The following ADAMTS12 variants were observed in gnomAD, a reference collection of about 807,000 sequenced individuals.
ADAMTS12 encodes A disintegrin and metalloproteinase with thrombospondin motifs 12.
Under a neutral mutation model 167.8 loss-of-function variants are expected in ADAMTS12, and 118 were observed. That is an observed-to-expected ratio of 0.70 (90% CI 0.61 to 0.82). The LOEUF (loss-of-function observed/expected upper bound fraction) is 0.82, where lower values mean the gene tolerates loss of function less well. Among genes scored for constraint, ADAMTS12 ranks in the 40% least tolerant of loss-of-function variants. The pLI, the probability that ADAMTS12 is intolerant of heterozygous loss-of-function variation, is 0.00. For missense variants in ADAMTS12, 1,916 were observed against 1,998.8 expected (o/e 0.96, Z 0.79); for synonymous variants, 704 against 716.9 (o/e 0.98, Z 0.29).
intron 6 of ADAMTS12, among the ~76,000 whole-genome samples, chr5:33,658,903 A>G (rs1402231141): frequency 6.6e-6 from 1 of 152,190 alleles, no homozygotes; most frequent in South Asian, 2.1e-4. Context: ...TACATCTAGA[A>G]TCTCAGAAAA....
intron 2 of ADAMTS12, among the ~76,000 whole-genome samples, chr5:33,755,099 A>G (rs1206389969): frequency 6.6e-6 from 1 of 152,188 alleles, no homozygotes; most frequent in East Asian, 1.9e-4. Flanking sequence ...CCCCAAGGGT[A>G]ACAATGATCC....
intron 2 of ADAMTS12, among the ~76,000 whole-genome samples, chr5:33,878,795 A>G (rs939938440): frequency 1.3e-5 from 2 of 152,204 alleles, no homozygotes; most frequent in Non-Finnish European, 2.9e-5. Flanking sequence ...TCTCAGACCA[A>G]TTAAATCAAA....
chr5:33,732,057 A>G (rs1444436111), intron 3 of ADAMTS12, among the ~76,000 whole-genome samples: 1 of 152,230 alleles, frequency 6.6e-6, no homozygotes, highest in South Asian at 2.1e-4. Flanking sequence ...GAATAGGGTG[A>G]CAGCATAGAT....
intron 3 of ADAMTS12, among the ~76,000 whole-genome samples, chr5:33,704,503 G>A (rs7734575): frequency 0.61 from 93,314 of 151,888 alleles, 29,813 homozygotes; most frequent in Non-Finnish European, 0.69. Flanking sequence ...ATCTTCACTA[G>A]CATTCATTTT....
At chr5:33,712,993 G>A (rs1207260239) in intron 3 of ADAMTS12, among the ~76,000 whole-genome samples, 2 of 152,116 alleles carry the variant, frequency 1.3e-5, no homozygotes, top group Non-Finnish European at 2.9e-5. Context: ...TTTAGGACTT[G>A]TTAGGGATTT....
chr5:33,780,222 T>G (rs1746076383), intron 2 of ADAMTS12, among the ~76,000 whole-genome samples: 1 of 152,214 alleles, frequency 6.6e-6, no homozygotes, highest in Admixed American at 6.5e-5. Flanking sequence ...CAATTAAGCA[T>G]TATTTCTATT....
At chr5:33,739,872 A>C (rs879638825) in intron 3 of ADAMTS12, among the ~76,000 whole-genome samples, 1 of 152,150 alleles carries the variant, frequency 6.6e-6, no homozygotes, top group Admixed American at 6.5e-5. Flanking sequence ...TGTCAGGGTT[A>C]CCAGAAAGAT....
At chr5:33,549,436 C>T (rs1389797164) in intron 20 of ADAMTS12, 53 bp from the exon 21 acceptor site, 1 of 1,573,378 alleles carries the variant, frequency 6.4e-7, no homozygotes, top group Non-Finnish European at 8.7e-7. Flanking sequence ...CATCAGGCCT[C>T]CCTTCCTTCC....
chr5:33,630,389 T>A (rs1438116981), intron 13 of ADAMTS12, among the ~76,000 whole-genome samples: 1 of 152,198 alleles, frequency 6.6e-6, no homozygotes, highest in East Asian at 1.9e-4. Flanking sequence ...ATGTTGATAG[T>A]CAATGGAGAA....
At chr5:33,579,483 T>C (rs1746942393) in intron 18 of ADAMTS12, among the ~76,000 whole-genome samples, 1 of 152,188 alleles carries the variant, frequency 6.6e-6, no homozygotes, top group African/African-American at 2.4e-5. Context: ...TTCTTTTTGG[T>C]TTGTTTTGAC....
intron 19 of ADAMTS12, among the ~76,000 whole-genome samples, chr5:33,570,456 A>G (rs1459840633): frequency 1.3e-5 from 2 of 152,148 alleles, no homozygotes; most frequent in African/African-American, 2.4e-5. Flanking sequence ...ATTCTTAAAG[A>G]AAAGAATTTT....
chr5:33,740,007 G>A (rs534917012), intron 3 of ADAMTS12, among the ~76,000 whole-genome samples: 10 of 152,270 alleles, frequency 6.6e-5, no homozygotes, highest in African/African-American at 2.4e-4. Flanking sequence ...CTGCTGAATC[G>A]AAACAGAAAG....
intron 12 of ADAMTS12, among the ~76,000 whole-genome samples, chr5:33,636,678 T>G (rs1740211158): frequency 6.6e-6 from 1 of 152,216 alleles, no homozygotes; most frequent in African/African-American, 2.4e-5. Flanking sequence ...ATGGATTTTC[T>G]GGAACTCAAA....
intron 2 of ADAMTS12, among the ~76,000 whole-genome samples, chr5:33,783,955 T>TCAA (rs1357762705): frequency 6.6e-6 from 1 of 151,726 alleles, no homozygotes; most frequent in Non-Finnish European, 1.5e-5. Context: ...TATAAAAATT[T>TCAA]CAACAAAATA....
chr5:33,761,736 T>C (rs778887407), intron 2 of ADAMTS12, among the ~76,000 whole-genome samples: 12 of 152,154 alleles, frequency 7.9e-5, no homozygotes, highest in Admixed American at 7.9e-4. Flanking sequence ...TTATATGTAA[T>C]CCCCCACTAC....
At chr5:33,543,646 C>T (rs946128461) in intron 22 of ADAMTS12, among the ~76,000 whole-genome samples, 14 of 152,170 alleles carry the variant, frequency 9.2e-5, no homozygotes, top group Non-Finnish European at 1.5e-5. Context: ...AGGAGCACAT[C>T]AAAAAGCTTA....
Position 33,576,615 on chromosome 5 carries a change from A to G in ADAMTS12, c.3411T>C (p.Thr1137=). 6.2e-7 allele frequency: 1 copy of G among 1,614,200 alleles called. No homozygotes were observed. ...TATTGTAAAATGGAGTCACAGGCCA[A>G]GTGATAGGGTTGCGGGAAGATGACA... ...SGLSSSRNPI[T]WPVTPFYNTL... is the part of the protein sequence containing the mutation. Residue 1137 remains threonine, a synonymous_variant, in exon 19 of 24, where the codon ACT becomes ACC. Transcript: ENST00000504830.
At chr5:33,784,207 A>G (rs1746249052) in intron 2 of ADAMTS12, among the ~76,000 whole-genome samples, 1 of 151,914 alleles carries the variant, frequency 6.6e-6, no homozygotes, top group Non-Finnish European at 1.5e-5. Context: ...AGAATTTTCA[A>G]CCTTATAAAA....
intron 3 of ADAMTS12, among the ~76,000 whole-genome samples, chr5:33,690,665 CTGAA>C (rs1742517764): frequency 6.6e-6 from 1 of 152,040 alleles, no homozygotes; most frequent in Admixed American, 6.6e-5. Flanking sequence ...AGTCAATAAT[CTGAA>C]TGAGTCGAGA....
Sources: allele counts gnomAD v4.1 joint callset (sites outside exome capture counted in the v4.1 genomes callset), GRCh38; gene constraint gnomAD v4.1.1; transcripts MANE v1.5; gene names NCBI Gene and HGNC (gene_info 2026-07-23, HGNC 2026-07-21).